Variants in MACF1 observed in about 807,000 individuals in gnomAD.
MACF1 encodes microtubule actin crosslinking factor 1, also known as microtubule-actin cross-linking factor 1.
Under a neutral mutation model 854.8 loss-of-function variants are expected in MACF1, and 193 were observed. The observed-to-expected ratio is 0.23, with a 90% CI of 0.20 to 0.25. The LOEUF is 0.25. Among genes scored for constraint, MACF1 ranks in the 10% least tolerant of loss-of-function variants. MACF1 has a pLI of 1.00. For missense variants in MACF1, 7,722 were observed against 8,929.1 expected (o/e 0.86, Z 5.45); for synonymous variants, 3,185 against 3,226.7 (o/e 0.99, Z 0.44).
At chr1:39,190,728 C>T (rs1307010133) in intron 2 of MACF1, among the ~76,000 whole-genome samples, 1 of 151,700 alleles carries the variant, frequency 6.6e-6, no homozygotes, top group African/African-American at 2.4e-5. Flanking sequence ...GGAGGTGGTG[C>T]GGTGGCCTGT....
chr1:39,406,756 A>AACAAAAAAAAC lies in MACF1; in HGVS notation c.15817-15617_15817-15616insCAAAAAAAACA, dbSNP rs1553362901. 2.2e-4 allele frequency among the ~76,000 whole-genome samples: 25 copies of AACAAAAAAAAC among 116,086 alleles called. 2 individuals are homozygous for AACAAAAAAAAC. The highest frequency in any genetic ancestry group is 9.6e-4 in the African/African-American group (25 of 26,094). The allele number at this position is 116,086 out of a possible 152,430, so 76.2% of individuals were successfully genotyped here. A position where few individuals can be genotyped will look rare whatever the true frequency, so the allele number is the denominator to read the frequency against. ...TCTCACTCAAAAAAAAAAAAAAAAA[A>AACAAAAAAAAC]AACATTCTTTATAATAGAATAACCA... On this transcript the variant is annotated intron_variant, in intron 58 of 100. Transcript: ENST00000564288.
chr1:39,237,225 T>TA (rs1644869734), intron 2 of MACF1, among the ~76,000 whole-genome samples: 1 of 152,174 alleles, frequency 6.6e-6, no homozygotes, highest in Non-Finnish European at 1.5e-5. Flanking sequence ...CATCACCCAC[T>TA]TCACCTTCTA....
At chr1:39,231,119 C>A in intron 1 of MACF1, 63 bp from the exon 2 acceptor site, 2 of 1,219,578 alleles carry the variant, frequency 1.6e-6, no homozygotes, top group South Asian at 1.2e-5. Context: ...GGCAGGGCAG[C>A]AGCGTGGGAA....
At chr1:39,231,693 C>CTT (rs554909886) in intron 2 of MACF1, among the ~76,000 whole-genome samples, 2,795 of 146,206 alleles carry the variant, frequency 0.019, 88 homozygotes, top group African/African-American at 0.066. Flanking sequence ...AAGCCTGTTT[C>CTT]TTTTTTTTTT....
At chr1:39,296,286 G>GTCACA (rs1389862530) in intron 20 of MACF1, among the ~76,000 whole-genome samples, 1 of 151,730 alleles carries the variant, frequency 6.6e-6, no homozygotes, top group East Asian at 1.9e-4. Flanking sequence ...TTCTGCTTGT[G>GTCACA]TCACATTTAT....
rs745911075 is a variant in MACF1, at chr1:39,477,045, GTATATATATATATATATA to G, written c.21959-2724_21959-2707del. ...ATACACACACATATATACACTTAGT[GTATATATATATATATATA>G]TATATATATATATATATATATATAT... On this transcript the variant is annotated intron_variant, in intron 97 of 100. Transcript: ENST00000564288. 7.5e-3 allele frequency among the ~76,000 whole-genome samples: 476 copies of G among 63,710 alleles called. 16 individuals are homozygous for G. Among genetic ancestry groups the G allele is most frequent in the East Asian group, 0.025 (57 of 2,312 alleles). 41.8% of individuals were successfully genotyped at this position (63,710 alleles called of 152,430 possible).
intron 51 of MACF1, among the ~76,000 whole-genome samples, chr1:39,371,385 T>C (rs1305304192): frequency 6.6e-6 from 1 of 151,780 alleles, no homozygotes; most frequent in Non-Finnish European, 1.5e-5. Context: ...AAGGGTCAGT[T>C]TGAAATTAGG....
At chr1:39,411,256 G>T (rs1642986536) in intron 58 of MACF1, 1 of 1,613,972 alleles carries the variant, frequency 6.2e-7, no homozygotes, top group Non-Finnish European at 8.5e-7. Flanking sequence ...GATTATGATG[G>T]AGGCTGAGGG....
Position 39,251,901 on chromosome 1 carries a change from C to G in MACF1, c.317C>G (p.Thr106Arg). The G allele has an allele frequency of 6.6e-7, 1 of 1,520,548 alleles. No individual in the cohort carries two copies. Among genetic ancestry groups the G allele is most frequent in the Non-Finnish European group, 8.8e-7 (1 of 1,139,618 alleles). 94.2% of individuals were successfully genotyped at this position (1,520,548 alleles called of 1,614,324 possible). A position where few individuals can be genotyped will look rare whatever the true frequency, so the allele number is the denominator to read the frequency against. The change falls in exon 4 of 101, where the codon ACA becomes AGA. Residue 106 changes from threonine to arginine, a missense_variant. By Grantham distance (71) the Thr-to-Arg change is moderately conservative. This residue lies in a region of MACF1 where 82 missense variants were observed against 84.0 expected (regional missense o/e 0.98). Transcript: ENST00000564288. ...RLVSMPSWCH[T>R]NNEEQAEEDD... ...GTGAGCATGCCCTCCTGGTGCCATACAAACAACGAGGAGCAGGCGGAGGAA... is the reference window on the plus strand; with the variant it reads ...GTGAGCATGCCCTCCTGGTGCCATAGAAACAACGAGGAGCAGGCGGAGGAA...
rs549860883 is a variant in MACF1 at position 39,263,389 on chromosome 1, G to T, written c.528+5361G>T. On this transcript the variant is annotated intron_variant, in intron 6 of 100. Transcript: ENST00000564288. ...ACACATTTTTTTTAATGTGCTAAAT[G>T]GTAGATGTTCTTTTTAATTTTAATT... Among the ~76,000 whole-genome samples, 12 of 152,242 alleles carry T rather than the reference G, an allele frequency of 7.9e-5. No individual in the cohort carries two copies. The South Asian group carries it at 2.5e-3, about 32-fold the overall frequency.
At position 39,383,932 on chromosome 1, in the gene MACF1, A is replaced by G. The variant is rs572111226; in HGVS notation, c.13849-1502A>G. ...TTTGCAAATCTTAATTTCTGGCTTAATAGGCTATTCTGCTTCTGCATATCT... is the reference window on the plus strand; with the variant it reads ...TTTGCAAATCTTAATTTCTGGCTTAGTAGGCTATTCTGCTTCTGCATATCT... On this transcript the variant is annotated intron_variant, in intron 56 of 100. Transcript: ENST00000564288. Among the ~76,000 whole-genome samples the G allele has an allele frequency of 3.9e-5, 6 of 152,258 alleles. No homozygotes were observed. In the East Asian group the frequency reaches 1.2e-3, roughly 29 times the overall value.
At chr1:39,275,358 G>A (rs901045017) in intron 6 of MACF1, among the ~76,000 whole-genome samples, 15 of 151,898 alleles carry the variant, frequency 9.9e-5, no homozygotes, top group Non-Finnish European at 1.6e-4. Context: ...CTGGAATTAC[G>A]GTGTGAGCCA....
chr1:39,374,787 T>C (rs768205919), intron 52 of MACF1, among the ~76,000 whole-genome samples: 16 of 151,920 alleles, frequency 1.1e-4, no homozygotes, highest in Non-Finnish European at 1.9e-4. Context: ...AACAGAAATC[T>C]CATATAGAAC....
chr1:39,326,343 T>C (rs2148460344), intron 35 of MACF1, among the ~76,000 whole-genome samples: 1 of 152,256 alleles, frequency 6.6e-6, no homozygotes, highest in East Asian at 1.9e-4. Context: ...GTGACAAATA[T>C]ACAGTGGGCT....
At chr1:39,426,959 C>T (rs2148644722) in intron 61 of MACF1, among the ~76,000 whole-genome samples, 1 of 152,132 alleles carries the variant, frequency 6.6e-6, no homozygotes, top group East Asian at 1.9e-4. Flanking sequence ...AATATACAGT[C>T]TTTACTCTTC....
intron 44 of MACF1, among the ~76,000 whole-genome samples, chr1:39,356,455 C>A (rs1647579272): frequency 6.6e-6 from 1 of 151,630 alleles, no homozygotes; most frequent in South Asian, 2.1e-4. Flanking sequence ...TCACTGCAAT[C>A]TCTGCCTCCC....
At chr1:39,278,485 G>A (rs1226194951) in intron 6 of MACF1, among the ~76,000 whole-genome samples, 1 of 152,174 alleles carries the variant, frequency 6.6e-6, no homozygotes, top group Non-Finnish European at 1.5e-5. Flanking sequence ...AATGAGAGAT[G>A]TTATTAGAAA....
chr1:39,461,810 AAAAAAAAAT>A, intron 92 of MACF1, 64 bp from the exon 93 acceptor site: 1 of 1,005,134 alleles, frequency 9.9e-7, no homozygotes, highest in African/African-American at 1.7e-5. Context: ...AAAAAAAAAA[AAAAAAAAAT>A]CTATAACCGC....
Position 39,444,800 on chromosome 1 carries a change from T to C in MACF1, c.19570T>C (p.Trp6524Arg). 6.2e-7 allele frequency: 1 copy of C among 1,613,076 alleles called. No homozygotes were observed. ...EQSVALLEQK[W>R]HVVSSKMEER... is the part of the protein sequence containing the mutation. The stretch of plus-strand genomic sequence containing the variant: ...GAGTGTAGCACTTTTGGAGCAGAAG[T>C]GGCATGTGGTCAGCAGTAAGATGGA... Residue 6524 changes from tryptophan (W) to arginine (R), a missense_variant, in exon 80 of 101, where the codon TGG becomes CGG. Trp to Arg is a moderately radical substitution (Grantham distance 101). Coordinates refer to ENST00000564288, the MANE Select transcript of MACF1 (RefSeq NM_001394062.1).
Sources: allele counts gnomAD v4.1 joint callset (sites outside exome capture counted in the v4.1 genomes callset), GRCh38; gene constraint gnomAD v4.1.1; regional missense constraint gnomAD v4.1.1; transcripts MANE v1.5; gene names NCBI Gene and HGNC (gene_info 2026-07-23, HGNC 2026-07-21).